IFT88: variants seen among roughly 807,000 people sequenced by gnomAD.
IFT88 encodes intraflagellar transport protein 88 homolog.
In IFT88, 74 loss-of-function variants were observed where a neutral mutation model predicts 119.5. The observed-to-expected ratio is 0.62, with a 90% CI of 0.51 to 0.75. The LOEUF (loss-of-function observed/expected upper bound fraction) is 0.75. Ranked by LOEUF, IFT88 falls within the 30% of genes least tolerant of loss-of-function variation. IFT88 has a pLI of 0.00. For synonymous variants in IFT88, 279 were observed against 316.7 expected (o/e 0.88, Z 1.26); for missense variants, 961 against 977.7 (o/e 0.98, Z 0.23).
At chr13:20,569,407 A>G (rs1028716124) in intron 1 of IFT88, among the ~76,000 whole-genome samples, 5 of 151,240 alleles carry the variant, frequency 3.3e-5, no homozygotes, top group African/African-American at 4.9e-5. Context: ...CCCCGTCTCT[A>G]CTAAAAATAC....
rs149482501 is a variant in IFT88, at chr13:20,624,408, G to A, written c.1200-1342G>A. 9.8e-3 allele frequency among the ~76,000 whole-genome samples: 1,489 copies of A among 152,160 alleles called. 25 individuals carry two copies. Among genetic ancestry groups the A allele is most frequent in the African/African-American group, 0.034 (1,397 of 41,488 alleles). On this transcript the variant is annotated intron_variant, in intron 14 of 25. Coordinates refer to ENST00000351808, the MANE Select transcript of IFT88 (RefSeq NM_006531.5). The stretch of plus-strand genomic sequence containing the variant: ...AGCTCCCCGAACCCTGTCCTCTTGG[G>A]TAAAAGGAAGGCTAGTGACTTCAGC...
intron 24 of IFT88, 41 bp from the exon 25 acceptor site, chr13:20,690,664 C>T (rs189103208): frequency 3.4e-4 from 441 of 1,292,312 alleles, no homozygotes; most frequent in East Asian, 9.5e-4. Context: ...TATGTTTTCT[C>T]AACATATTAA....
chr13:20,688,190 C>CA (rs1342408602), intron 24 of IFT88, among the ~76,000 whole-genome samples: 4 of 151,990 alleles, frequency 2.6e-5, no homozygotes, highest in African/African-American at 7.3e-5. Flanking sequence ...ACAACAACAA[C>CA]AAAAAAATTA....
At position 20,601,089 on chromosome 13, in the gene IFT88, G is replaced by C. The variant is rs2042520414; in HGVS notation, c.813-616G>C. Among the ~76,000 whole-genome samples the C allele has an allele frequency of 2.0e-5, 3 of 152,190 alleles. No homozygotes were observed. In the South Asian group the frequency reaches 6.2e-4, roughly 31 times the overall value. The stretch of plus-strand genomic sequence containing the variant: ...AGACAGAAAATAGACTAATGGGCCG[G>C]GCACGGTGCCTCATGCCTGTAATCC... On this transcript the variant is annotated intron_variant, in intron 11 of 25. Coordinates refer to ENST00000351808, the MANE Select transcript of IFT88 (RefSeq NM_006531.5).
At chr13:20,685,246 CCGGGGGT>C (rs2057778094) in intron 24 of IFT88, among the ~76,000 whole-genome samples, 1 of 152,242 alleles carries the variant, frequency 6.6e-6, no homozygotes, top group Middle Eastern at 3.4e-3. Flanking sequence ...TTTTCCGCTC[CCGGGGGT>C]GGGGGGGCCA....
intron 22 of IFT88, among the ~76,000 whole-genome samples, chr13:20,658,251 C>CA (rs138378465): frequency 0.39 from 59,809 of 151,838 alleles, 13,751 homozygotes; most frequent in Non-Finnish European, 0.52. Flanking sequence ...CACACGCCAC[C>CA]ATGCCCAACT....
chr13:20,574,597 A>C, intron 2 of IFT88, 122 bp downstream of exon 2: 1 of 496,976 alleles, frequency 2.0e-6, no homozygotes, highest in East Asian at 3.5e-5. Flanking sequence ...AAAAACCTAG[A>C]AAAGTGCTAT....
At chr13:20,647,921 CAAAG>C (rs889430858) in intron 20 of IFT88, among the ~76,000 whole-genome samples, 2 of 152,112 alleles carry the variant, frequency 1.3e-5, no homozygotes, top group African/African-American at 2.4e-5. Context: ...TGTCCAAAAA[CAAAG>C]AGAGAATCTC....
At chr13:20,606,114 C>G (rs1178182454) in intron 13 of IFT88, among the ~76,000 whole-genome samples, 1 of 152,188 alleles carries the variant, frequency 6.6e-6, no homozygotes. Context: ...AAAAGTACAA[C>G]TGGGGTGGTG....
At chr13:20,611,163 A>G (rs2044442293) in intron 13 of IFT88, among the ~76,000 whole-genome samples, 1 of 151,830 alleles carries the variant, frequency 6.6e-6, no homozygotes, top group Admixed American at 6.6e-5. Flanking sequence ...CTACACAACC[A>G]TCTCAGTAGA....
At chr13:20,625,440 T>C (rs2047146628) in intron 14 of IFT88, among the ~76,000 whole-genome samples, 1 of 152,140 alleles carries the variant, frequency 6.6e-6, no homozygotes, top group African/African-American at 2.4e-5. Flanking sequence ...TATGGAAAAA[T>C]ATGTGGAAAC....
chr13:20,604,840 A>G (rs1396566369), intron 12 of IFT88, among the ~76,000 whole-genome samples, 195 bp from the exon 13 acceptor site: 1 of 152,142 alleles, frequency 6.6e-6, no homozygotes, highest in African/African-American at 2.4e-5. Context: ...CTGTAGTCCC[A>G]GCTACTTGGG....
chr13:20,611,508 C>T (rs2044505428), intron 13 of IFT88, among the ~76,000 whole-genome samples: 1 of 93,242 alleles, frequency 1.1e-5, no homozygotes, highest in South Asian at 4.7e-4. Context: ...GAGCATGACC[C>T]AGTCTCAAAA....
intron 9 of IFT88, 136 bp from the exon 10 acceptor site, chr13:20,598,510 GTTTAC>G (rs2042109743): frequency 4.1e-6 from 2 of 490,592 alleles, no homozygotes; most frequent in Non-Finnish European, 7.4e-6. Context: ...TAATTCTTTT[GTTTAC>G]TTAATTTCAT....
At chr13:20,607,375 G>A (rs2043670448) in intron 13 of IFT88, 1 of 590,268 alleles carries the variant, frequency 1.7e-6, no homozygotes, top group East Asian at 3.9e-5. Flanking sequence ...ACACCATTAA[G>A]GCCACCATGC....
At chr13:20,602,609 G>C (rs1202044653) in intron 12 of IFT88, among the ~76,000 whole-genome samples, 2 of 152,182 alleles carry the variant, frequency 1.3e-5, no homozygotes, top group African/African-American at 4.8e-5. Flanking sequence ...CGAAGGCTGG[G>C]CGCAGTGGCT....
chr13:20,593,399 A>G (rs977284181), intron 7 of IFT88, among the ~76,000 whole-genome samples: 5 of 152,038 alleles, frequency 3.3e-5, no homozygotes, highest in African/African-American at 1.2e-4. Context: ...AGGCTAGTAA[A>G]TGACAAGGCT....
chr13:20,590,159 A>C (rs1240753527), intron 4 of IFT88, among the ~76,000 whole-genome samples: 2 of 152,112 alleles, frequency 1.3e-5, no homozygotes, highest in African/African-American at 4.8e-5. Context: ...TATTCCATTC[A>C]TATATTTTAT....
chr13:20,646,234 G>C (rs1049790882), intron 20 of IFT88, among the ~76,000 whole-genome samples: 1 of 150,946 alleles, frequency 6.6e-6, no homozygotes, highest in Non-Finnish European at 1.5e-5. Flanking sequence ...TACCCTCTCT[G>C]TAGTTCAGTC....
Sources: gnomAD v4.1 joint callset for allele counts (sites outside exome capture counted in the v4.1 genomes callset) on GRCh38, gnomAD v4.1.1 for gene constraint, MANE v1.5 for transcripts, NCBI Gene and HGNC (gene_info 2026-07-23, HGNC 2026-07-21) for gene names.